The following ABCA4 variants were observed in gnomAD, a reference collection of about 807,000 sequenced individuals.
ABCA4 encodes ATP binding cassette subfamily A member 4, also known as retinal-specific phospholipid-transporting ATPase ABCA4.
Under a neutral mutation model 263.7 loss-of-function variants are expected in ABCA4, and 196 were observed. The ratio of observed to expected loss-of-function variants is 0.74; its 90% CI spans 0.66 to 0.84. ABCA4 has a LOEUF of 0.84. Ranked by LOEUF, ABCA4 falls within the 40% of genes least tolerant of loss-of-function variation. ABCA4 has a pLI of 0.00. For missense variants in ABCA4, 2,792 were observed against 2,855.1 expected, an observed-to-expected ratio of 0.98 and a Z score of 0.50; for synonymous variants, 1,133 against 1,094.2, an observed-to-expected ratio of 1.04 and a Z score of -0.70.
chr1:94,095,067 C>G (rs1376003667), intron 6 of ABCA4, among the ~76,000 whole-genome samples: 1 of 152,192 alleles, frequency 6.6e-6, no homozygotes, highest in African/African-American at 2.4e-5. Context: ...CCCAGTCCAC[C>G]TAGGTCACCA....
rs1660945050 is a variant in ABCA4 at position 94,055,291 on chromosome 1, C to G, written c.2407G>C (p.Gly803Arg). 2 of 1,614,112 alleles carry G rather than the reference C, an allele frequency of 1.2e-6. No homozygotes were observed. Among genetic ancestry groups the G allele is most frequent in the Non-Finnish European group, 1.7e-6 (2 of 1,180,028 alleles). ...CGAACCAGGTACTCAGTGCCAAATC[C>G]AAATGCCACCGGAGACAGTAAGCTC... ...AVSLLSPVAF[G>R]FGTEYLVRFE... Residue 803 changes from glycine (G) to arginine (R), a missense_variant, in exon 16 of 50, where the codon GGA (glycine) becomes CGA (arginine). Gly to Arg is a moderately radical substitution (Grantham distance 125). Transcript: ENST00000370225.
At chr1:94,119,036 G>A (rs182037155) in intron 1 of ABCA4, among the ~76,000 whole-genome samples, 13 of 152,252 alleles carry the variant, frequency 8.5e-5, no homozygotes, top group Admixed American at 3.3e-4. Flanking sequence ...ATTTTCCTCC[G>A]CAGTCCACAG....
chr1:94,070,722 G>A (rs750439260), intron 11 of ABCA4, among the ~76,000 whole-genome samples: 5 of 152,320 alleles, frequency 3.3e-5, no homozygotes, highest in Middle Eastern at 3.4e-3. Flanking sequence ...GTCCTGAAGC[G>A]TGGGTGTGGG....
At chr1:94,117,953 A>G (rs1482739100) in intron 1 of ABCA4, among the ~76,000 whole-genome samples, 1 of 152,246 alleles carries the variant, frequency 6.6e-6, no homozygotes, top group East Asian at 1.9e-4. Flanking sequence ...TTTCACTTGC[A>G]AAACTGCCCT....
At chr1:94,002,300 T>C (rs1659213078) in intron 44 of ABCA4, among the ~76,000 whole-genome samples, 2 of 152,178 alleles carry the variant, frequency 1.3e-5, no homozygotes, top group Non-Finnish European at 2.9e-5. Flanking sequence ...TCCTGGACCA[T>C]GGCTAGCAGT....
intron 47 of ABCA4, among the ~76,000 whole-genome samples, chr1:93,998,812 C>T (rs1002043267): frequency 1.3e-5 from 2 of 150,620 alleles, no homozygotes; most frequent in Non-Finnish European, 2.9e-5. Flanking sequence ...GATCTTGGCT[C>T]ACTGCAACCT....
Position 94,005,550 on chromosome 1 carries a change from T to G in ABCA4, c.6038A>C (p.Asn2013Thr). ...ATCAAACTGAGGACAGTAGCCCATATTTTGATGGACTTCAGAAATATTGGT... is the reference window on the plus strand; with the variant it reads ...ATCAAACTGAGGACAGTAGCCCATAGTTTGATGGACTTCAGAAATATTGGT... ...ILTNISEVHQ[N>T]MGYCPQFDAI... is the part of the protein sequence containing the mutation. Residue 2013 changes from asparagine (N) to threonine (T), a missense_variant, in exon 44 of 50, where the codon AAT (asparagine) becomes ACT (threonine). By Grantham distance (65) the Asn-to-Thr change is moderately conservative (BLOSUM62 0). Transcript: ENST00000370225. 1.2e-6 allele frequency: 2 copies of G among 1,614,114 alleles called. No homozygotes were observed. Among genetic ancestry groups the G allele is most frequent in the Non-Finnish European group, 1.7e-6 (2 of 1,179,948 alleles).
chr1:94,021,751 A>C, intron 33 of ABCA4, 37 bp from the exon 34 acceptor site: 3 of 1,609,960 alleles, frequency 1.9e-6, no homozygotes, highest in Non-Finnish European at 2.6e-6. Context: ...AGACGGTTTT[A>C]ATTTTTTTTT....
At chr1:93,997,756 T>C (rs981433821) in intron 48 of ABCA4, 105 bp downstream of exon 48, 4 of 1,460,102 alleles carry the variant, frequency 2.7e-6, no homozygotes, top group Non-Finnish European at 3.8e-6. Flanking sequence ...CAAGAGTTTG[T>C]TAAAAATCGG....
At chr1:93,993,322 C>G in intron 49 of ABCA4, 80 bp from the exon 50 acceptor site, 4 of 1,590,864 alleles carry the variant, frequency 2.5e-6, no homozygotes, top group Non-Finnish European at 2.6e-6. Context: ...AAAAGCTAAA[C>G]AGTTGTCAAT....
At chr1:94,102,097 G>A (rs972883843) in intron 5 of ABCA4, among the ~76,000 whole-genome samples, 14 of 152,164 alleles carry the variant, frequency 9.2e-5, no homozygotes, top group Non-Finnish European at 2.9e-5. Context: ...CACCAGACGC[G>A]CAAGCCTCCT....
chr1:94,021,123 G>T, intron 35 of ABCA4, 117 bp downstream of exon 35: 2 of 1,434,716 alleles, frequency 1.4e-6, no homozygotes, highest in Non-Finnish European at 9.8e-7. Context: ...ATATGTGCCT[G>T]ACTAAACAGC....
At chr1:94,045,923 A>T in intron 19 of ABCA4, 1 of 456,202 alleles carries the variant, frequency 2.2e-6, no homozygotes, top group Non-Finnish European at 4.4e-6. Context: ...CTCTCAGCAG[A>T]TGGCGCTCGG....
intron 17 of ABCA4, 90 bp downstream of exon 17, chr1:94,051,543 T>C (rs1412593480): frequency 5.0e-6 from 6 of 1,190,126 alleles, no homozygotes; most frequent in Non-Finnish European, 6.2e-6. Context: ...ACCGTTTACA[T>C]AGAGGGCCAC....
chr1:94,043,653 T>C (rs1003272952), intron 20 of ABCA4, among the ~76,000 whole-genome samples, 178 bp from the exon 21 acceptor site: 7 of 152,220 alleles, frequency 4.6e-5, no homozygotes, highest in Non-Finnish European at 1.0e-4. Context: ...AATAAGAGGA[T>C]GGCTTACATA....
At chr1:94,113,128 A>C in intron 1 of ABCA4, 62 bp from the exon 2 acceptor site, 6 of 1,492,984 alleles carry the variant, frequency 4.0e-6, no homozygotes, top group Non-Finnish European at 5.6e-6. Flanking sequence ...AGAAAACGTA[A>C]CCAGAGCAGA....
intron 1 of ABCA4, among the ~76,000 whole-genome samples, chr1:94,117,214 G>A (rs1662815779): frequency 1.3e-5 from 2 of 151,786 alleles, no homozygotes; most frequent in Admixed American, 1.3e-4. Context: ...TTCCTGCTCT[G>A]TTTTCAATTT....
chr1:94,049,602 C>T (rs189562021), intron 17 of ABCA4, among the ~76,000 whole-genome samples: 5 of 152,090 alleles, frequency 3.3e-5, no homozygotes, highest in South Asian at 2.1e-4. Flanking sequence ...CCAGCCTGGC[C>T]GACAGAGTGA....
intron 4 of ABCA4, among the ~76,000 whole-genome samples, chr1:94,108,084 C>T (rs754075149): frequency 1.3e-5 from 2 of 152,274 alleles, no homozygotes; most frequent in Non-Finnish European, 2.9e-5. Flanking sequence ...TGCCTCGGGG[C>T]CTGGGTGCTA....
Sources: gnomAD v4.1 joint callset for allele counts (sites outside exome capture counted in the v4.1 genomes callset) on GRCh38, gnomAD v4.1.1 for gene constraint, MANE v1.5 for transcripts, NCBI Gene and HGNC (gene_info 2026-07-23, HGNC 2026-07-21) for gene names.